Variants in KAZN observed in about 807,000 individuals in gnomAD.
KAZN encodes kazrin, periplakin interacting protein.
KAZN carries 40 observed loss-of-function variants against 87.4 expected under a neutral mutation model. The ratio of observed to expected loss-of-function variants is 0.46; its 90% CI spans 0.36 to 0.60. The LOEUF is 0.60. KAZN is among the 20% of genes least tolerant of loss of function. The pLI, the probability that KAZN is intolerant of heterozygous loss-of-function variation, is 0.00. For missense variants in KAZN, 898 were observed against 1,073.9 expected (o/e 0.84, Z 2.29); for synonymous variants, 466 against 458.3 (o/e 1.02, Z -0.22).
chr1:14,227,295 G>A lies in KAZN; in HGVS notation c.249+46703G>A, dbSNP rs192957289. Reference sequence around the variant, plus strand: ...TTTATGATGCTTTTGGATCCTATGGGTCAGGAATTCAGAAGGAGCACAGTG... The same window carrying A: ...TTTATGATGCTTTTGGATCCTATGGATCAGGAATTCAGAAGGAGCACAGTG... On this transcript the variant is annotated intron_variant, in intron 2 of 16. Coordinates refer to the KAZN transcript ENST00000636203. Among the ~76,000 whole-genome samples the A allele has an allele frequency of 9.1e-4, 138 of 152,214 alleles. 2 individuals are homozygous for A. The South Asian group carries it at 9.8e-3, about 11-fold the overall frequency.
chr1:14,196,685 C>A (rs568434), intron 2 of KAZN, among the ~76,000 whole-genome samples: 143,732 of 152,126 alleles, frequency 0.94, 67,947 homozygotes, highest in East Asian at 1. Context: ...CCAAGTAGAG[C>A]TATTCAGTGA....
chr1:14,238,509 T>A (rs1648624577), intron 2 of KAZN, among the ~76,000 whole-genome samples: 1 of 152,236 alleles, frequency 6.6e-6, no homozygotes, highest in Non-Finnish European at 1.5e-5. Context: ...CTGATTATCA[T>A]CAGGCCTGGT....
At chr1:14,440,720 G>C (rs962180984) in intron 2 of KAZN, among the ~76,000 whole-genome samples, 1 of 152,128 alleles carries the variant, frequency 6.6e-6, no homozygotes, top group African/African-American at 2.4e-5. Context: ...AACCAAGCAT[G>C]GTGCTCTTCT....
intron 2 of KAZN, among the ~76,000 whole-genome samples, chr1:14,583,906 A>T (rs1675698888): frequency 6.6e-6 from 1 of 152,176 alleles, no homozygotes; most frequent in Admixed American, 6.5e-5. Context: ...TAAAGCTGCC[A>T]TCTAGGAAGT....
intron 1 of KAZN, among the ~76,000 whole-genome samples, chr1:14,824,046 G>A (rs1051702842): frequency 1.5e-4 from 23 of 151,804 alleles, no homozygotes; most frequent in African/African-American, 4.8e-4. Context: ...CCCAGGAGGC[G>A]GAGGTTGCAG....
At chr1:14,416,346 A>T (rs1335156467) in intron 2 of KAZN, among the ~76,000 whole-genome samples, 1 of 152,202 alleles carries the variant, frequency 6.6e-6, no homozygotes, top group African/African-American at 2.4e-5. Flanking sequence ...GTCACTAGAG[A>T]GTGACTTCTT....
intron 2 of KAZN, among the ~76,000 whole-genome samples, chr1:14,416,145 G>A (rs1363937576): frequency 1.3e-5 from 2 of 152,218 alleles, no homozygotes; most frequent in African/African-American, 4.8e-5. Context: ...CTCTGGGGCT[G>A]TAGTAGCATT....
At chr1:14,752,188 T>C (rs1049825751) in intron 1 of KAZN, among the ~76,000 whole-genome samples, 1 of 152,200 alleles carries the variant, frequency 6.6e-6, no homozygotes, top group South Asian at 2.1e-4. Flanking sequence ...TCTGCCCCTA[T>C]GACCCAAACA....
At chr1:15,086,904 T>G (rs1211287931) in intron 8 of KAZN, among the ~76,000 whole-genome samples, 5 of 152,228 alleles carry the variant, frequency 3.3e-5, no homozygotes, top group Admixed American at 1.3e-4. Context: ...ATCTGGTGGG[T>G]TATGAAGCAG....
chr1:14,410,071 T>C (rs979501300), intron 2 of KAZN, among the ~76,000 whole-genome samples: 1 of 152,194 alleles, frequency 6.6e-6, no homozygotes, highest in African/African-American at 2.4e-5. Flanking sequence ...GAGAGATCAG[T>C]TAAACAGAAC....
intron 1 of KAZN, among the ~76,000 whole-genome samples, chr1:14,951,614 T>A (rs1440216760): frequency 6.6e-6 from 1 of 151,936 alleles, no homozygotes; most frequent in Non-Finnish European, 1.5e-5. Context: ...GTAGCTGGGA[T>A]TACAGGTGGC....
rs372787061 is a variant in KAZN, at chr1:14,396,627, T to A, written c.250-202356T>A. Among the ~76,000 whole-genome samples, 830 of 152,330 alleles carry A rather than the reference T, an allele frequency of 5.4e-3. 7 individuals are homozygous for A. The highest frequency in any genetic ancestry group is 0.019 in the African/African-American group (803 of 41,578). On this transcript the variant is annotated intron_variant, in intron 2 of 16. Coordinates refer to the KAZN transcript ENST00000636203. ...TTACTGGGGATGATTTCTGTGGCTG[T>A]GTACTCGAGTTTCTGGAAGATAATC...
intron 2 of KAZN, among the ~76,000 whole-genome samples, chr1:14,518,178 C>CTTTTT (rs141321203): frequency 1.2e-4 from 11 of 91,292 alleles, no homozygotes; most frequent in African/African-American, 2.6e-4. Context: ...TTTTTGAAGG[C>CTTTTT]TTTTTTTTTT....
At chr1:13,943,300 A>T (rs1333504784) in intron 1 of KAZN, among the ~76,000 whole-genome samples, 1 of 152,216 alleles carries the variant, frequency 6.6e-6, no homozygotes, top group Non-Finnish European at 1.5e-5. Context: ...GGCATCTTTA[A>T]AGTGCAGAAA....
At chr1:14,171,268 G>A in intron 1 of KAZN, among the ~76,000 whole-genome samples, 1 of 152,172 alleles carries the variant, frequency 6.6e-6, no homozygotes, top group East Asian at 1.9e-4. Flanking sequence ...GTGAGTGTTT[G>A]CTAGAACACT....
chr1:14,807,084 C>T (rs886389304), intron 1 of KAZN, among the ~76,000 whole-genome samples: 6 of 152,264 alleles, frequency 3.9e-5, no homozygotes, highest in Non-Finnish European at 8.8e-5. Context: ...TCTCTGTGGC[C>T]GTTTCAGCAG....
At chr1:14,027,493 G>A (rs140964510) in intron 1 of KAZN, among the ~76,000 whole-genome samples, 104 of 151,962 alleles carry the variant, frequency 6.8e-4, no homozygotes, top group Middle Eastern at 3.4e-3. Flanking sequence ...CTGCCCCCCC[G>A]CCACCTCCCA....
chr1:14,392,651 C>A (rs180936632), intron 2 of KAZN, among the ~76,000 whole-genome samples: 6 of 152,158 alleles, frequency 3.9e-5, no homozygotes, highest in Non-Finnish European at 8.8e-5. Flanking sequence ...TCACAGCATC[C>A]CTGACCTTTA....
At chr1:14,552,659 A>G (rs12124205) in intron 2 of KAZN, among the ~76,000 whole-genome samples, 38,127 of 152,174 alleles carry the variant, frequency 0.25, 5,672 homozygotes, top group East Asian at 0.55. Context: ...AAGTCTGGGC[A>G]TGAGCATTCC....
Sources: gnomAD v4.1 joint callset for allele counts (sites outside exome capture counted in the v4.1 genomes callset) on GRCh38, gnomAD v4.1.1 for gene constraint, MANE v1.5 for transcripts, NCBI Gene and HGNC (gene_info 2026-07-23, HGNC 2026-07-21) for gene names.